SAE1: variants seen among roughly 807,000 people sequenced by gnomAD.
SAE1 encodes the protein SUMO-activating enzyme subunit 1.
SAE1 carries 11 observed loss-of-function variants against 40.6 expected under a neutral mutation model. That is an observed-to-expected ratio of 0.27 (90% CI 0.17 to 0.45). The LOEUF (loss-of-function observed/expected upper bound fraction) is 0.45, where lower values mean the gene tolerates loss of function less well. Among genes scored for constraint, SAE1 ranks in the 20% least tolerant of loss-of-function variants. SAE1 has a pLI of 1.00. For missense variants in SAE1, 373 were observed against 427.3 expected, an observed-to-expected ratio of 0.87 and a Z score of 1.12; for synonymous variants, 155 against 154.3, an observed-to-expected ratio of 1.00 and a Z score of -0.03.
rs886093975 is a variant in SAE1, at chr19:47,130,838, C to T, written c.-93C>T. 4.6e-6 allele frequency: 7 copies of T among 1,537,532 alleles called. No individual in the cohort carries two copies. Among genetic ancestry groups the T allele is most frequent in the African/African-American group, 2.8e-5 (2 of 72,508 alleles). On this transcript the variant is annotated 5_prime_UTR_variant, in exon 1 of 9. Coordinates refer to ENST00000270225, the MANE Select transcript of SAE1 (RefSeq NM_005500.3). ...GGGTCTGCGCATGCGCAGAAGCACT[C>T]CGGGCGTGCTGCCGGCGGCGGTAGG...
chr19:47,169,956 A>G, intron 6 of SAE1, 33 bp downstream of exon 6: 1 of 1,516,812 alleles, frequency 6.6e-7, no homozygotes, highest in Non-Finnish European at 9.2e-7. Flanking sequence ...ACCCCGGGAG[A>G]GCTTTTGGCT....
At chr19:47,175,930 A>T (rs2058466134) in intron 6 of SAE1, among the ~76,000 whole-genome samples, 1 of 152,176 alleles carries the variant, frequency 6.6e-6, no homozygotes, top group Admixed American at 6.6e-5. Context: ...TTTGAATTGT[A>T]TTTCTGTTAG....
At chr19:47,131,163 C>T in intron 1 of SAE1, 135 bp downstream of exon 1, 1 of 1,415,246 alleles carries the variant, frequency 7.1e-7, no homozygotes, top group Non-Finnish European at 9.2e-7. Flanking sequence ...GATCGTCTCT[C>T]TCTTGGGGGG....
intron 5 of SAE1, among the ~76,000 whole-genome samples, chr19:47,162,748 T>A (rs2058366797): frequency 6.6e-6 from 1 of 152,158 alleles, no homozygotes; most frequent in African/African-American, 2.4e-5. Context: ...CCCAGCACTT[T>A]GGGAAGCCAA....
At chr19:47,149,714 A>T (rs1437244426) in intron 2 of SAE1, among the ~76,000 whole-genome samples, 1 of 152,154 alleles carries the variant, frequency 6.6e-6, no homozygotes, top group East Asian at 1.9e-4. Context: ...TGACCAGTTT[A>T]AAAAAAGTTT....
chr19:47,179,899 A>C (rs775598266), intron 6 of SAE1, among the ~76,000 whole-genome samples: 1 of 151,676 alleles, frequency 6.6e-6, no homozygotes, highest in Non-Finnish European at 1.5e-5. Flanking sequence ...GCAATTCTGA[A>C]ACTACTTACT....
chr19:47,163,390 A>G (rs1003193133), intron 5 of SAE1, among the ~76,000 whole-genome samples: 1 of 152,212 alleles, frequency 6.6e-6, no homozygotes, highest in African/African-American at 2.4e-5. Flanking sequence ...AACTGTTTAC[A>G]TAGCAATTCC....
chr19:47,170,332 A>C (rs1169176023), intron 6 of SAE1, among the ~76,000 whole-genome samples: 2 of 150,186 alleles, frequency 1.3e-5, no homozygotes, highest in Non-Finnish European at 3.0e-5. Flanking sequence ...CTGGTGTCTT[A>C]GTGTCCCCAG....
chr19:47,164,353 A>G (rs1418691783), intron 5 of SAE1, among the ~76,000 whole-genome samples: 4 of 151,780 alleles, frequency 2.6e-5, no homozygotes, highest in African/African-American at 9.7e-5. Flanking sequence ...TATTTTTAGT[A>G]GAGACGGGTT....
At chr19:47,199,122 C>T (rs939305017) in intron 7 of SAE1, among the ~76,000 whole-genome samples, 1 of 151,658 alleles carries the variant, frequency 6.6e-6, no homozygotes, top group African/African-American at 2.4e-5. Context: ...CGCGGTGGCT[C>T]ACGCCTGTAA....
At chr19:47,153,318 C>G (rs564410473) in intron 4 of SAE1, among the ~76,000 whole-genome samples, 1 of 152,054 alleles carries the variant, frequency 6.6e-6, no homozygotes, top group Non-Finnish European at 1.5e-5. Flanking sequence ...CATATTCAAC[C>G]AAAGTCTACC....
chr19:47,196,333 C>CTTTTTTTTTTTTTTT (rs61498882), intron 6 of SAE1, among the ~76,000 whole-genome samples: 6 of 27,888 alleles, frequency 2.2e-4, no homozygotes, highest in Non-Finnish European at 3.3e-4. Context: ...CCGCGCCTGG[C>CTTTTTTTTTTTTTTT]TTTTTTTTTT....
chr19:47,162,316 G>A (rs1334370521), intron 5 of SAE1, among the ~76,000 whole-genome samples: 1 of 152,142 alleles, frequency 6.6e-6, no homozygotes, highest in African/African-American at 2.4e-5. Flanking sequence ...TGTGTGTATA[G>A]ATGATCTCCT....
At chr19:47,135,507 C>T (rs1439105331) in intron 1 of SAE1, 2 of 152,096 alleles carry the variant, frequency 1.3e-5, no homozygotes, top group Non-Finnish European at 2.9e-5. Flanking sequence ...ATGACAGGAT[C>T]TCATTCCCTT....
chr19:47,182,500 C>T (rs901997637), intron 6 of SAE1, among the ~76,000 whole-genome samples: 32 of 130,650 alleles, frequency 2.4e-4, no homozygotes, highest in Admixed American at 7.7e-4. Context: ...TGTGTGTGCG[C>T]GCACGCACGC....
intron 2 of SAE1, among the ~76,000 whole-genome samples, chr19:47,149,490 A>AC (rs1261736160): frequency 6.6e-6 from 1 of 152,042 alleles, no homozygotes; most frequent in African/African-American, 2.4e-5. Context: ...CTAGTTTTAA[A>AC]CCACTGGAAG....
intron 6 of SAE1, among the ~76,000 whole-genome samples, chr19:47,192,284 T>C (rs1600207015): frequency 6.6e-6 from 1 of 151,842 alleles, no homozygotes; most frequent in South Asian, 2.1e-4. Flanking sequence ...AGAGTCTCGC[T>C]CTGTCACCCA....
chr19:47,179,310 A>G (rs2058491153), intron 6 of SAE1, among the ~76,000 whole-genome samples: 2 of 151,928 alleles, frequency 1.3e-5, no homozygotes, highest in Admixed American at 6.6e-5. Flanking sequence ...GTTTGAGACC[A>G]GCCTGGGCAA....
Position 47,150,223 on chromosome 19 carries a change from G to T in SAE1, c.232G>T (p.Ala78Ser). Residue 78 changes from alanine (A) to serine (S), a missense_variant, in exon 3 of 9, where the codon GCT becomes TCT. Coordinates refer to ENST00000270225, the MANE Select transcript of SAE1 (RefSeq NM_005500.3). ...HEQVTPEDPG[A>S]QFLIRTGSVG... ...CTAGGTAACTCCAGAAGATCCCGGA[G>T]CTCAGTTCTTGATTCGTACTGGGTC... The T allele has an allele frequency of 6.2e-7, 1 of 1,600,270 alleles. No individual in the cohort carries two copies. The highest frequency in any genetic ancestry group is 1.1e-5 in the South Asian group (1 of 88,044).
Sources: gnomAD v4.1 joint callset for allele counts (sites outside exome capture counted in the v4.1 genomes callset) on GRCh38, gnomAD v4.1.1 for gene constraint, MANE v1.5 for transcripts, NCBI Gene and HGNC (gene_info 2026-07-23, HGNC 2026-07-21) for gene names.